Variants in EPHA6 observed in about 807,000 individuals in gnomAD.
The protein encoded by EPHA6 is ephrin type-A receptor 6.
A neutral mutation model predicts 112.0 loss-of-function variants in EPHA6; 50 were observed. The observed-to-expected ratio is 0.45, with a 90% CI of 0.36 to 0.56. EPHA6 has a LOEUF of 0.56. Ranked by LOEUF, EPHA6 falls within the 20% of genes least tolerant of loss-of-function variation. The pLI is 0.00. For missense variants in EPHA6, 1,280 were observed against 1,417.4 expected (o/e 0.90, Z 1.56); for synonymous variants, 529 against 490.7 (o/e 1.08, Z -1.03).
intron 3 of EPHA6, among the ~76,000 whole-genome samples, chr3:97,013,022 A>G (rs1413629696): frequency 6.6e-6 from 1 of 152,158 alleles, no homozygotes; most frequent in Non-Finnish European, 1.5e-5. Context: ...ATAGTTTGCA[A>G]ATATACTCTC....
chr3:97,651,784 A>G (rs543196716), intron 14 of EPHA6, among the ~76,000 whole-genome samples: 1 of 152,206 alleles, frequency 6.6e-6, no homozygotes, highest in African/African-American at 2.4e-5. Flanking sequence ...TCATTGGCCC[A>G]TCTTGCTTGT....
At chr3:97,185,934 C>A (rs1559782788) in intron 3 of EPHA6, among the ~76,000 whole-genome samples, 2 of 151,752 alleles carry the variant, frequency 1.3e-5, no homozygotes, top group South Asian at 4.2e-4. Context: ...AAGCTGGAAA[C>A]CATCATTCTG....
At chr3:97,724,901 C>T (rs766391999) in intron 15 of EPHA6, among the ~76,000 whole-genome samples, 15 of 152,014 alleles carry the variant, frequency 9.9e-5, no homozygotes, top group Admixed American at 2.0e-4. Flanking sequence ...GATTCTGTGC[C>T]TTCTACTTGT....
intron 15 of EPHA6, among the ~76,000 whole-genome samples, chr3:97,724,985 G>A (rs1374547945): frequency 6.6e-6 from 1 of 151,996 alleles, no homozygotes; most frequent in Non-Finnish European, 1.5e-5. Context: ...AAAGCTTGCA[G>A]GCCCTATTTT....
intron 6 of EPHA6, among the ~76,000 whole-genome samples, chr3:97,412,141 A>G (rs1400316844): frequency 6.6e-6 from 1 of 152,058 alleles, no homozygotes; most frequent in East Asian, 1.9e-4. Context: ...GACTGAAATA[A>G]AGGTTATGAC....
intron 1 of EPHA6, among the ~76,000 whole-genome samples, chr3:96,855,880 A>C (rs1241248123): frequency 6.6e-6 from 1 of 152,260 alleles, no homozygotes; most frequent in African/African-American, 2.4e-5. Context: ...ATTATTCTTC[A>C]TCAGTAAAAA....
At chr3:96,995,505 GAA>G (rs1295517578) in intron 3 of EPHA6, among the ~76,000 whole-genome samples, 3 of 152,000 alleles carry the variant, frequency 2.0e-5, no homozygotes, top group Non-Finnish European at 4.4e-5. Context: ...AGAATCCTGA[GAA>G]GTCTAAAAAT....
chr3:97,113,622 C>G (rs1212705744), intron 3 of EPHA6, among the ~76,000 whole-genome samples: 4 of 152,108 alleles, frequency 2.6e-5, no homozygotes, highest in African/African-American at 9.7e-5. Context: ...AAAGGGAGAA[C>G]TGGGTGGCAT....
chr3:97,448,223 G>C (rs1403672949), intron 6 of EPHA6, among the ~76,000 whole-genome samples: 2 of 152,040 alleles, frequency 1.3e-5, no homozygotes, highest in African/African-American at 4.8e-5. Context: ...GCACTCTGCT[G>C]GTGTGCCCAT....
chr3:96,982,268 TGGTTTCAA>T (rs1372843899), intron 2 of EPHA6, among the ~76,000 whole-genome samples: 2 of 152,234 alleles, frequency 1.3e-5, no homozygotes, highest in Non-Finnish European at 2.9e-5. Flanking sequence ...TTGTTCTTGT[TGGTTTCAA>T]AGAACATCTT....
intron 14 of EPHA6, among the ~76,000 whole-genome samples, chr3:97,641,747 C>G (rs546765351): frequency 2.0e-5 from 3 of 152,212 alleles, no homozygotes; most frequent in Non-Finnish European, 4.4e-5. Flanking sequence ...TAAAAAACAG[C>G]GCACCACGAG....
intron 11 of EPHA6, among the ~76,000 whole-genome samples, chr3:97,569,347 AAAAT>A (rs2093307469): frequency 6.6e-6 from 1 of 152,238 alleles, no homozygotes; most frequent in East Asian, 1.9e-4. Context: ...TCAAATGTTA[AAAAT>A]AAATAGTGAA....
intron 2 of EPHA6, among the ~76,000 whole-genome samples, chr3:96,975,808 T>C (rs2042499615): frequency 1.3e-5 from 2 of 152,186 alleles, no homozygotes; most frequent in African/African-American, 2.4e-5. Flanking sequence ...CTTGTTCTAC[T>C]CATATAGGTC....
Position 97,496,975 on chromosome 3 carries a change from T to C in EPHA6, c.2200+12916T>C, listed in dbSNP as rs148341902. Among the ~76,000 whole-genome samples the C allele has an allele frequency of 2.3e-3, 348 of 152,310 alleles. 2 individuals carry two copies. The highest frequency in any genetic ancestry group is 7.7e-3 in the African/African-American group (320 of 41,576). ...ATTTATCATCATTCCCTGTCAGCTC[T>C]GCCTTCAAATATATCCCAGGATCCA... On this transcript the variant is annotated intron_variant, in intron 10 of 17. Coordinates refer to ENST00000389672, the MANE Select transcript of EPHA6 (RefSeq NM_001080448.3).
intron 5 of EPHA6, among the ~76,000 whole-genome samples, chr3:97,327,290 T>C (rs370250584): frequency 7.2e-5 from 11 of 152,070 alleles, no homozygotes; most frequent in East Asian, 1.9e-4. Flanking sequence ...ACATTTTTAT[T>C]GAAATGATTG....
intron 3 of EPHA6, among the ~76,000 whole-genome samples, chr3:97,083,854 T>G (rs1354675814): frequency 1.3e-5 from 2 of 151,284 alleles, no homozygotes; most frequent in Non-Finnish European, 3.0e-5. Flanking sequence ...AATGGAAAAA[T>G]GGGTAAATGA....
chr3:97,581,507 G>A (rs2093437422), intron 11 of EPHA6, among the ~76,000 whole-genome samples: 1 of 152,136 alleles, frequency 6.6e-6, no homozygotes, highest in Non-Finnish European at 1.5e-5. Flanking sequence ...TACATGAAAA[G>A]AAATACCTAT....
intron 3 of EPHA6, among the ~76,000 whole-genome samples, chr3:97,189,228 G>C (rs1451520316): frequency 6.6e-6 from 1 of 151,908 alleles, no homozygotes; most frequent in Non-Finnish European, 1.5e-5. Context: ...GAAACTTTAT[G>C]ATATGAGATG....
chr3:97,141,771 C>G (rs942346122), intron 3 of EPHA6, among the ~76,000 whole-genome samples: 4 of 151,768 alleles, frequency 2.6e-5, no homozygotes, highest in African/African-American at 7.3e-5. Context: ...ACTCAAGGAA[C>G]TAGAAAAACA....
Sources: gnomAD v4.1 joint callset for allele counts (sites outside exome capture counted in the v4.1 genomes callset) on GRCh38, gnomAD v4.1.1 for gene constraint, MANE v1.5 for transcripts, NCBI Gene and HGNC (gene_info 2026-07-23, HGNC 2026-07-21) for gene names.